The following NKAIN2 variants were observed in gnomAD, a reference collection of about 807,000 sequenced individuals.
NKAIN2 encodes the protein sodium/potassium transporting ATPase interacting 2.
NKAIN2 carries 14 observed loss-of-function variants against 32.6 expected under a neutral mutation model. The ratio of observed to expected loss-of-function variants is 0.43; its 90% CI spans 0.28 to 0.67. The LOEUF is 0.67. Ranked by LOEUF, NKAIN2 falls within the 30% of genes least tolerant of loss-of-function variation. The pLI, the probability that NKAIN2 is intolerant of heterozygous loss-of-function variation, is 0.17. For synonymous variants in NKAIN2, 80 were observed against 87.2 expected (o/e 0.92, Z 0.46); for missense variants, 198 against 258.3 (o/e 0.77, Z 1.60).
intron 3 of NKAIN2, among the ~76,000 whole-genome samples, chr6:124,511,703 G>T (rs972235610): frequency 3.3e-5 from 5 of 152,104 alleles, no homozygotes; most frequent in Non-Finnish European, 7.4e-5. Context: ...CTATGTCTTT[G>T]TGGATTTCAG....
chr6:124,672,771 T>C (rs1051830863), intron 4 of NKAIN2, among the ~76,000 whole-genome samples: 6 of 152,052 alleles, frequency 3.9e-5, no homozygotes, highest in Non-Finnish European at 7.4e-5. Context: ...TCTCAGATTA[T>C]TGAAACCCTA....
intron 6 of NKAIN2, among the ~76,000 whole-genome samples, chr6:124,822,745 T>A (rs1020454788): frequency 6.6e-6 from 1 of 152,054 alleles, no homozygotes; most frequent in Non-Finnish European, 1.5e-5. Flanking sequence ...AAAAATCCCA[T>A]GTCTGCGTGC....
intron 3 of NKAIN2, among the ~76,000 whole-genome samples, chr6:124,509,049 T>C (rs1778607288): frequency 6.6e-6 from 1 of 152,200 alleles, no homozygotes; most frequent in Non-Finnish European, 1.5e-5. Context: ...AGGACTTCGA[T>C]ATATCTTTTT....
At chr6:124,722,491 G>A (rs150028692) in intron 4 of NKAIN2, among the ~76,000 whole-genome samples, 117 of 152,304 alleles carry the variant, frequency 7.7e-4, no homozygotes, top group Non-Finnish European at 1.5e-3. Flanking sequence ...ATAGTTTGGG[G>A]ATGCAACTGT....
chr6:123,939,358 T>C (rs1190110028), intron 1 of NKAIN2, among the ~76,000 whole-genome samples: 1 of 151,930 alleles, frequency 6.6e-6, no homozygotes, highest in East Asian at 1.9e-4. Flanking sequence ...AAGTTGAGAT[T>C]TGTAACACCA....
intron 1 of NKAIN2, among the ~76,000 whole-genome samples, chr6:124,230,287 A>G (rs1248028784): frequency 6.6e-6 from 1 of 152,162 alleles, no homozygotes; most frequent in Non-Finnish European, 1.5e-5. Flanking sequence ...CTAAGCAACA[A>G]AGCATTTAAG....
chr6:124,505,993 G>A (rs1778462989), intron 3 of NKAIN2, among the ~76,000 whole-genome samples: 1 of 152,040 alleles, frequency 6.6e-6, no homozygotes. Flanking sequence ...CTAACACGGT[G>A]AAACCCCGTC....
intron 3 of NKAIN2, among the ~76,000 whole-genome samples, chr6:124,429,051 T>C (rs1346469508): frequency 1.3e-5 from 2 of 152,118 alleles, no homozygotes; most frequent in African/African-American, 4.8e-5. Context: ...CTTTTTTTTA[T>C]GTTTTGAGAT....
At chr6:124,714,423 C>A (rs1354104117) in intron 4 of NKAIN2, among the ~76,000 whole-genome samples, 5 of 152,156 alleles carry the variant, frequency 3.3e-5, no homozygotes, top group African/African-American at 1.2e-4. Context: ...ATTAATTGCA[C>A]CTGCTACAAT....
chr6:123,943,154 A>G (rs1776899271), intron 1 of NKAIN2, among the ~76,000 whole-genome samples: 1 of 152,062 alleles, frequency 6.6e-6, no homozygotes, highest in South Asian at 2.1e-4. Flanking sequence ...AAACTATTAT[A>G]ATAGTTAACA....
chr6:123,892,823 A>G (rs570799131), intron 1 of NKAIN2, among the ~76,000 whole-genome samples: 5 of 151,820 alleles, frequency 3.3e-5, no homozygotes, highest in Admixed American at 6.6e-5. Flanking sequence ...CTCCACCCCA[A>G]TCTGTATTCT....
chr6:123,956,721 G>A lies in NKAIN2; in HGVS notation c.54+152467G>A, dbSNP rs116179981. On this transcript the variant is annotated intron_variant, in intron 1 of 6. Transcript: ENST00000368417. ...TCCAGTTCTGAGTCAGGAGATTCTC[G>A]GAATTTCCTGGGAGTAACAGTTCCA... Among the ~76,000 whole-genome samples the A allele has an allele frequency of 1.4e-3, 220 of 152,246 alleles. 1 individual carries two copies. Among genetic ancestry groups the A allele is most frequent in the African/African-American group, 3.9e-3 (164 of 41,552 alleles).
At chr6:124,550,833 C>T (rs866611240) in intron 3 of NKAIN2, among the ~76,000 whole-genome samples, 12 of 152,138 alleles carry the variant, frequency 7.9e-5, no homozygotes, top group Middle Eastern at 3.4e-3. Flanking sequence ...ATTTTGATTT[C>T]GGTAGAAAAT....
At chr6:123,969,580 C>T (rs9482492) in intron 1 of NKAIN2, among the ~76,000 whole-genome samples, 1 of 151,838 alleles carries the variant, frequency 6.6e-6, no homozygotes, top group African/African-American at 2.4e-5. Context: ...TTTCAAGATG[C>T]CTGCCAGAGC....
intron 1 of NKAIN2, among the ~76,000 whole-genome samples, chr6:124,193,040 C>T (rs548669032): frequency 9.2e-5 from 14 of 152,264 alleles, no homozygotes; most frequent in East Asian, 5.8e-4. Flanking sequence ...TGAGCTACCG[C>T]GCCCAGCCAG....
chr6:123,982,690 G>A (rs1295689667), intron 1 of NKAIN2, among the ~76,000 whole-genome samples: 3 of 151,972 alleles, frequency 2.0e-5, no homozygotes, highest in Middle Eastern at 3.4e-3. Flanking sequence ...AGAGGTGACT[G>A]TTACTGCAAA....
chr6:124,083,683 C>T (rs1458086413), intron 1 of NKAIN2, among the ~76,000 whole-genome samples: 2 of 151,986 alleles, frequency 1.3e-5, no homozygotes, highest in Non-Finnish European at 2.9e-5. Context: ...AGAACCAGTT[C>T]TCAATTATCT....
intron 3 of NKAIN2, among the ~76,000 whole-genome samples, chr6:124,643,641 T>C (rs1037959654): frequency 6.6e-6 from 1 of 152,158 alleles, no homozygotes; most frequent in Non-Finnish European, 1.5e-5. Context: ...GATTTACATA[T>C]GGTATAGGAA....
At chr6:124,623,109 A>G (rs1335995073) in intron 3 of NKAIN2, among the ~76,000 whole-genome samples, 1 of 152,130 alleles carries the variant, frequency 6.6e-6, no homozygotes, top group Non-Finnish European at 1.5e-5. Context: ...ACATATGCAA[A>G]GACCCTTTTT....
Sources: gnomAD v4.1 joint callset for allele counts (sites outside exome capture counted in the v4.1 genomes callset) on GRCh38, gnomAD v4.1.1 for gene constraint, MANE v1.5 for transcripts, NCBI Gene and HGNC (gene_info 2026-07-23, HGNC 2026-07-21) for gene names.